The following STPG2 variants were observed in gnomAD, a reference collection of about 807,000 sequenced individuals.
STPG2 encodes sperm-tail PG-rich repeat-containing protein 2.
STPG2 carries 56 observed loss-of-function variants against 54.2 expected under a neutral mutation model. The ratio of observed to expected loss-of-function variants is 1.03; its 90% confidence interval spans 0.83 to 1.29. The LOEUF is 1.29. STPG2 is among the 50% of genes most tolerant of loss of function. STPG2 has a pLI of 0.00. For synonymous variants in STPG2, 200 were observed against 181.8 expected, an observed-to-expected ratio of 1.10 and a Z score of -0.81; for missense variants, 596 against 544.9, an observed-to-expected ratio of 1.09 and a Z score of -0.93.
chr4:97,719,863 A>G (rs1724396858), intron 9 of STPG2, among the ~76,000 whole-genome samples: 1 of 151,986 alleles, frequency 6.6e-6, no homozygotes, highest in Non-Finnish European at 1.5e-5. Context: ...TCGCATTTCT[A>G]TTTATAATAT....
chr4:97,903,100 A>G (rs1479102393), intron 8 of STPG2, among the ~76,000 whole-genome samples: 2 of 152,194 alleles, frequency 1.3e-5, no homozygotes, highest in African/African-American at 4.8e-5. Context: ...AAGGGTTCAA[A>G]CTCGAAGTTA....
chr4:97,809,303 T>C (rs1482083969), intron 9 of STPG2, among the ~76,000 whole-genome samples: 2 of 152,190 alleles, frequency 1.3e-5, no homozygotes, highest in Non-Finnish European at 2.9e-5. Flanking sequence ...ACGTTTTAAC[T>C]AAAACTGAGT....
At chr4:97,489,876 C>G (rs980203451) in intron 4 of STPG2, 1 of 150,800 alleles carries the variant, frequency 6.6e-6, no homozygotes, top group Non-Finnish European at 1.5e-5. Context: ...CAACTGGCTA[C>G]AATTAAGGAG....
chr4:97,851,250 C>T (rs1482933155), intron 8 of STPG2, among the ~76,000 whole-genome samples: 1 of 152,080 alleles, frequency 6.6e-6, no homozygotes, highest in Non-Finnish European at 1.5e-5. Context: ...ATTGTATCTC[C>T]CAGAATGGTA....
Position 97,939,161 on chromosome 4 carries a change from T to C in STPG2, c.1044+4736A>G, listed in dbSNP as rs576583239. Among the ~76,000 whole-genome samples, 71 of 152,340 alleles carry C rather than the reference T, an allele frequency of 4.7e-4. No homozygotes were observed. In the Middle Eastern group the frequency reaches 0.01, roughly 22 times the overall value. ...GTCTTGACATCTATTTTTGTCACAC[T>C]GTGGTCCAAGGATGCGTTTGGTATG... On this transcript the variant is annotated intron_variant, in intron 8 of 10. Coordinates refer to ENST00000295268, the MANE Select transcript of STPG2 (RefSeq NM_174952.3).
chr4:98,107,817 C>A (rs1322638607), intron 4 of STPG2, among the ~76,000 whole-genome samples: 1 of 151,734 alleles, frequency 6.6e-6, no homozygotes, highest in Non-Finnish European at 1.5e-5. Context: ...GCCAATATGG[C>A]AGAAGAAAAG....
At chr4:97,892,392 A>G (rs902775037) in intron 8 of STPG2, among the ~76,000 whole-genome samples, 7 of 152,250 alleles carry the variant, frequency 4.6e-5, no homozygotes, top group African/African-American at 1.4e-4. Flanking sequence ...AAGCAGTCCT[A>G]CAGAATAACA....
At chr4:97,498,590 T>C (rs944794278) in intron 4 of STPG2, among the ~76,000 whole-genome samples, 1 of 151,348 alleles carries the variant, frequency 6.6e-6, no homozygotes, top group Non-Finnish European at 1.5e-5. Flanking sequence ...CAGTAAAATC[T>C]ACAGCTGGAA....
chr4:97,630,506 T>C (rs989860965), intron 10 of STPG2, among the ~76,000 whole-genome samples: 3 of 151,914 alleles, frequency 2.0e-5, no homozygotes, highest in Non-Finnish European at 3.0e-5. Flanking sequence ...CTGATATTTA[T>C]TGTTAATCAT....
At chr4:97,655,512 A>G (rs981139647) in intron 10 of STPG2, among the ~76,000 whole-genome samples, 4 of 152,082 alleles carry the variant, frequency 2.6e-5, no homozygotes, top group Non-Finnish European at 5.9e-5. Flanking sequence ...GATTCATATT[A>G]ATGTCAATTT....
chr4:97,600,047 T>C (rs1051356538), intron 10 of STPG2, among the ~76,000 whole-genome samples: 8 of 151,948 alleles, frequency 5.3e-5, no homozygotes, highest in Non-Finnish European at 7.4e-5. Flanking sequence ...TGAGTACACA[T>C]GGACACAAAG....
At chr4:97,716,870 T>G (rs2149011912) in intron 9 of STPG2, among the ~76,000 whole-genome samples, 1 of 152,084 alleles carries the variant, frequency 6.6e-6, no homozygotes, top group Non-Finnish European at 1.5e-5. Flanking sequence ...TCCCAGATCT[T>G]AAAGTACAAT....
chr4:98,087,616 A>G (rs2110122871), intron 5 of STPG2, among the ~76,000 whole-genome samples: 1 of 141,852 alleles, frequency 7.0e-6, no homozygotes, highest in African/African-American at 2.7e-5. Flanking sequence ...GTTGGAATGC[A>G]GTGCCGCAAT....
intron 8 of STPG2, among the ~76,000 whole-genome samples, chr4:97,925,046 CAT>C (rs1215723495): frequency 2.0e-5 from 3 of 152,162 alleles, no homozygotes; most frequent in Non-Finnish European, 2.9e-5. Context: ...TCTCAAAACA[CAT>C]GAGAAAATGT....
At chr4:97,637,543 A>G (rs1037159530) in intron 10 of STPG2, among the ~76,000 whole-genome samples, 2 of 152,184 alleles carry the variant, frequency 1.3e-5, no homozygotes, top group African/African-American at 4.8e-5. Context: ...GGAAAAGAGG[A>G]AGTCAAATTG....
At chr4:97,682,804 T>C (rs891706704) in intron 10 of STPG2, among the ~76,000 whole-genome samples, 2 of 151,844 alleles carry the variant, frequency 1.3e-5, no homozygotes, top group African/African-American at 2.4e-5. Flanking sequence ...ATGGGCATCA[T>C]AGTTTAAGTC....
chr4:97,662,313 CA>C (rs1456128943), intron 10 of STPG2, among the ~76,000 whole-genome samples: 1 of 151,968 alleles, frequency 6.6e-6, no homozygotes, highest in Non-Finnish European at 1.5e-5. Context: ...AAATGCAAAT[CA>C]AAACTACAAT....
intron 10 of STPG2, among the ~76,000 whole-genome samples, chr4:97,611,817 G>A (rs1733736726): frequency 6.6e-6 from 1 of 151,572 alleles, no homozygotes; most frequent in African/African-American, 2.4e-5. Flanking sequence ...ATTTCATATG[G>A]ATTATAGTTA....
At chr4:97,517,823 G>GTTAACA (rs1332274677) in intron 4 of STPG2, among the ~76,000 whole-genome samples, 4 of 151,982 alleles carry the variant, frequency 2.6e-5, no homozygotes, top group Admixed American at 2.6e-4. Flanking sequence ...CAGTTTAAAT[G>GTTAACA]TTAACAACTG....
Sources: allele counts gnomAD v4.1 joint callset (sites outside exome capture counted in the v4.1 genomes callset), GRCh38; gene constraint gnomAD v4.1.1; transcripts MANE v1.5; gene names NCBI Gene and HGNC (gene_info 2026-07-23, HGNC 2026-07-21).